Variants in FAM83A observed in about 807,000 individuals in gnomAD.
FAM83A encodes protein FAM83A.
In FAM83A, 21 loss-of-function variants were observed where a neutral mutation model predicts 24.4. The observed-to-expected ratio is 0.86, with a 90% confidence interval of 0.61 to 1.24. The LOEUF (loss-of-function observed/expected upper bound fraction) is 1.24, where lower values mean the gene tolerates loss of function less well. Ranked by LOEUF, FAM83A falls within the 50% of genes most tolerant of loss-of-function variation. FAM83A has a pLI of 0.00. For synonymous variants in FAM83A, 270 were observed against 252.4 expected, an observed-to-expected ratio of 1.07 and a Z score of -0.66; for missense variants, 617 against 579.8, an observed-to-expected ratio of 1.06 and a Z score of -0.66.
At chr8:123,208,254 G>A in exon 4 of FAM83A, 3 of 985,570 alleles carry the variant, frequency 3.0e-6, no homozygotes, top group Non-Finnish European at 3.6e-6. Context: ...CAATGAATTA[G>A]GGGTGAGGCC....
At chr8:123,189,100 A>T (rs550778169) in intron 1 of FAM83A, among the ~76,000 whole-genome samples, 1 of 152,368 alleles carries the variant, frequency 6.6e-6, no homozygotes, top group South Asian at 2.1e-4. Flanking sequence ...GGAGGCATTT[A>T]TCTTTCAGCA....
exon 4 of FAM83A, chr8:123,207,353 G>A: frequency 1.9e-6 from 3 of 1,611,316 alleles, no homozygotes; most frequent in Non-Finnish European, 2.5e-6. Context: ...CAGCAGCAGT[G>A]GCTCCGCCAG....
At chr8:123,197,416 A>T (rs1241909715) in intron 3 of FAM83A, among the ~76,000 whole-genome samples, 1 of 152,154 alleles carries the variant, frequency 6.6e-6, no homozygotes, top group Non-Finnish European at 1.5e-5. Context: ...TTATCATTCA[A>T]TATGTGGCAT....
In FAM83A at chr8:123,197,746, G is replaced by A. The variant is rs1304646175; in HGVS notation, c.773+3598G>A. Among the ~76,000 whole-genome samples the A allele has an allele frequency of 7.9e-5, 12 of 152,192 alleles. No individual in the cohort carries two copies. The South Asian group carries it at 1.5e-3, about 18-fold the overall frequency. Reference sequence around the variant, plus strand: ...AGGGCTAGAATAGCTGAGGATTCCCGAAGAAATCAAAGAACAGGTGCAGTT... The same window carrying A: ...AGGGCTAGAATAGCTGAGGATTCCCAAAGAAATCAAAGAACAGGTGCAGTT... On this transcript the variant is annotated intron_variant, in intron 3 of 3. Transcript: ENST00000690554.
In FAM83A at chr8:123,209,918, G is replaced by A. The variant is rs535825462; in HGVS notation, c.*2230G>A. On this transcript the variant is annotated 3_prime_UTR_variant, in exon 4 of 4. Coordinates refer to ENST00000690554, the Ensembl canonical transcript of FAM83A. This position sits in a 1 kb window ranked among gnomAD's most constrained non-coding sequence, Gnocchi z 4.7. ...AGGGTCACTTCTGGGCAGAAGCTTT[G>A]AGAGCCTGGGTCCAGGTTGCCACAT... 5 of 219,056 alleles carry A rather than the reference G, an allele frequency of 2.3e-5. No homozygotes were observed. Among genetic ancestry groups the A allele is most frequent in the Admixed American group, 1.5e-4 (3 of 19,824 alleles). 13.6% of individuals were successfully genotyped at this position (219,056 alleles called of 1,614,324 possible).
intron 3 of FAM83A, among the ~76,000 whole-genome samples, chr8:123,197,027 C>T (rs1376657772): frequency 6.6e-6 from 1 of 152,194 alleles, no homozygotes; most frequent in Non-Finnish European, 1.5e-5. Flanking sequence ...CTGGTCCAAC[C>T]ATTCTGTCAG....
At chr8:123,196,212 A>T (rs1824146767) in intron 3 of FAM83A, among the ~76,000 whole-genome samples, 1 of 152,196 alleles carries the variant, frequency 6.6e-6, no homozygotes. Flanking sequence ...GGGTTTTGCC[A>T]TGATGGCCAT....
intron 1 of FAM83A, 152 bp from the exon 2 acceptor site, chr8:123,191,651 C>T (rs1370024068): frequency 7.8e-6 from 6 of 764,834 alleles, no homozygotes; most frequent in South Asian, 1.7e-5. Flanking sequence ...TCCATTAATC[C>T]TGCCCAGTCA....
rs543906674 is a variant in FAM83A, at chr8:123,185,685, G to T, written c.480+2349G>T. On this transcript the variant is annotated intron_variant, in intron 1 of 3. Transcript: ENST00000690554. ...CCCTGTTGTCCTGGGACCCTCAGGGGTTCACCCGTTTGGGTGTCTGCCAGG... is the reference window on the plus strand; with the variant it reads ...CCCTGTTGTCCTGGGACCCTCAGGGTTTCACCCGTTTGGGTGTCTGCCAGG... Among the ~76,000 whole-genome samples, 3 of 152,308 alleles carry T rather than the reference G, an allele frequency of 2.0e-5. 1 individual carries two copies. Among genetic ancestry groups the T allele is most frequent in the South Asian group, 4.1e-4 (2 of 4,820 alleles).
At chr8:123,207,744 CAA>C (rs1824613287) in exon 4 of FAM83A, 2 of 1,411,156 alleles carry the variant, frequency 1.4e-6, no homozygotes, top group East Asian at 2.7e-5. Context: ...CCCTGAGACC[CAA>C]AGACCCACCT....
chr8:123,183,450 G>A (rs1823684964), intron 1 of FAM83A, 114 bp downstream of exon 1: 1 of 1,453,714 alleles, frequency 6.9e-7, no homozygotes, highest in African/African-American at 1.4e-5. Flanking sequence ...GATAATTGGG[G>A]CTTCGGATGG....
At chr8:123,194,983 T>C (rs1168353805) in intron 3 of FAM83A, among the ~76,000 whole-genome samples, 2 of 152,068 alleles carry the variant, frequency 1.3e-5, no homozygotes, top group African/African-American at 4.8e-5. Context: ...CCTTTGAAAC[T>C]TGACTTCAGA....
At chr8:123,187,312 T>A (rs1434215396) in intron 1 of FAM83A, among the ~76,000 whole-genome samples, 1 of 152,102 alleles carries the variant, frequency 6.6e-6, no homozygotes, top group African/African-American at 2.4e-5. Context: ...CCTGGGGCCC[T>A]TTCAGCGGCC....
intron 1 of FAM83A, among the ~76,000 whole-genome samples, chr8:123,185,397 G>T (rs1030553000): frequency 2.0e-5 from 3 of 152,178 alleles, no homozygotes; most frequent in African/African-American, 7.2e-5. Flanking sequence ...CCTGGTTAGG[G>T]CTTGTAAAAC....
chr8:123,183,172 T>A (rs1345088838), exon 1 of FAM83A: 2 of 1,613,568 alleles, frequency 1.2e-6, no homozygotes, highest in Non-Finnish European at 1.7e-6. Context: ...CGGCACCTAC[T>A]TCCCTGTGGC....
exon 4 of FAM83A, chr8:123,207,160 C>T (rs1211471056): frequency 7.1e-7 from 1 of 1,402,644 alleles, no homozygotes; most frequent in Admixed American, 1.9e-5. Flanking sequence ...CCTCCAGCTT[C>T]ACCTGGCTCT....
intron 3 of FAM83A, among the ~76,000 whole-genome samples, chr8:123,200,981 A>ATT (rs1457403978): frequency 6.7e-6 from 1 of 148,406 alleles, no homozygotes; most frequent in African/African-American, 2.5e-5. Flanking sequence ...ATATATATAT[A>ATT]TATACACATA....
intron 3 of FAM83A, among the ~76,000 whole-genome samples, chr8:123,203,985 A>G (rs1824454911): frequency 6.6e-6 from 1 of 151,908 alleles, no homozygotes; most frequent in Non-Finnish European, 1.5e-5. Context: ...GGACAAAAAA[A>G]AATTCTATAA....
chr8:123,181,047 A>AGGCGC (rs1317341307), upstream of FAM83A, among the ~76,000 whole-genome samples: 1 of 152,066 alleles, frequency 6.6e-6, no homozygotes, highest in Non-Finnish European at 1.5e-5. Context: ...GGGTTGAAGC[A>AGGCGC]ATTCTCCTGC....
Sources: gnomAD v4.1 joint callset for allele counts (sites outside exome capture counted in the v4.1 genomes callset) on GRCh38, gnomAD v4.1.1 for gene constraint, Gnocchi (gnomAD v3.1) non-coding constraint, MANE v1.5 for transcripts, NCBI Gene and HGNC (gene_info 2026-07-23, HGNC 2026-07-21) for gene names.